NRXN2: variants seen among roughly 807,000 people sequenced by gnomAD.
NRXN2 encodes neurexin 2, also known as neurexin-2-beta.
NRXN2 carries 29 observed loss-of-function variants against 128.8 expected under a neutral mutation model. The ratio of observed to expected loss-of-function variants is 0.23; its 90% CI spans 0.17 to 0.31. NRXN2 has a LOEUF of 0.31. NRXN2 is among the 10% of genes least tolerant of loss of function. The pLI, the probability that NRXN2 is intolerant of heterozygous loss-of-function variation, is 1.00. For synonymous variants in NRXN2, 1,098 were observed against 1,075.2 expected (o/e 1.02, Z -0.41); for missense variants, 1,881 against 2,452.6 (o/e 0.77, Z 4.92).
intron 14 of NRXN2, 105 bp from the exon 15 acceptor site, chr11:64,650,743 G>A: frequency 8.8e-7 from 1 of 1,138,624 alleles, no homozygotes; most frequent in Non-Finnish European, 1.3e-6. Context: ...GCCATGGGAA[G>A]AGGGATTGAA....
At chr11:64,617,001 C>T (rs951144269) in intron 22 of NRXN2, among the ~76,000 whole-genome samples, 3 of 152,172 alleles carry the variant, frequency 2.0e-5, no homozygotes, top group African/African-American at 7.2e-5. Flanking sequence ...TTAGGCTATG[C>T]ATGTGTGCAT....
chr11:64,607,985 G>A lies in NRXN2; in HGVS notation c.4350C>T (p.Tyr1450=), dbSNP rs1272003108. ...SPFVPPPPTF[Y]PFLTGVGATQ... ...TGGCGCCCACTCCCGTGAGGAAGGG[G>A]TAGAAGGTAGGGGGCGGGGGCACGA... Residue 1450 remains tyrosine (Y), a synonymous_variant, in exon 23 of 23, where the codon TAC becomes TAT. Coordinates refer to ENST00000265459, the MANE Select transcript of NRXN2 (RefSeq NM_015080.4). 3.9e-6 allele frequency: 5 copies of A among 1,291,270 alleles called. No homozygotes were observed. Among genetic ancestry groups the A allele is most frequent in the South Asian group, 1.2e-5 (1 of 80,884 alleles). The allele number at this position is 1,291,270 out of a possible 1,614,324, so 80.0% of individuals were successfully genotyped here.
chr11:64,642,569 G>A (rs1242900083), intron 17 of NRXN2: 1 of 1,610,902 alleles, frequency 6.2e-7, no homozygotes, highest in African/African-American at 1.3e-5. Context: ...AAGGGCATGC[G>A]GTTGATGGCG....
chr11:64,665,041 G>A (rs1191028803), intron 9 of NRXN2, among the ~76,000 whole-genome samples: 1 of 151,496 alleles, frequency 6.6e-6, no homozygotes, highest in Non-Finnish European at 1.5e-5. Flanking sequence ...CCAACACTTT[G>A]GGAGGCCAAG....
rs1181965224 is a variant in NRXN2 at position 64,660,362 on chromosome 11, C to G, written c.2359G>C (p.Gly787Arg). The G allele has an allele frequency of 1.9e-6, 3 of 1,614,032 alleles. No individual in the cohort carries two copies. The highest frequency in any genetic ancestry group is 2.2e-5 in the East Asian group (1 of 44,880). Reference sequence around the variant, plus strand: ...TTGACAGTGAGCTTCATCTGCCCCCCATCCAGCTCCAGGCGTAGGGTGTCG... The same window carrying G: ...TTGACAGTGAGCTTCATCTGCCCCCGATCCAGCTCCAGGCGTAGGGTGTCG... ...SADTLRLELD[G>R]GQMKLTVNLD... The change falls in exon 11 of 23, where the codon GGG (glycine) becomes CGG (arginine). Residue 787 changes from glycine (G) to arginine (R), a missense_variant. Gly to Arg is a moderately radical substitution (Grantham distance 125, BLOSUM62 -2). This residue lies in a region of NRXN2 where 997 missense variants were observed against 1,240.8 expected (regional missense o/e 0.80). Transcript: ENST00000265459. This position sits in a 1 kb window ranked among gnomAD's most constrained non-coding sequence, Gnocchi z 5.2.
intron 4 of NRXN2, among the ~76,000 whole-genome samples, chr11:64,692,415 C>T (rs1476156433): frequency 6.6e-6 from 1 of 152,016 alleles, no homozygotes. Flanking sequence ...CCATGCTTTT[C>T]TCTTGTTACT....
At chr11:64,682,601 C>T (rs1181413776) in intron 6 of NRXN2, among the ~76,000 whole-genome samples, 1 of 152,210 alleles carries the variant, frequency 6.6e-6, no homozygotes, top group Non-Finnish European at 1.5e-5. Flanking sequence ...AGCAGTTATC[C>T]AAGCTGGGCA....
intron 6 of NRXN2, among the ~76,000 whole-genome samples, chr11:64,679,795 C>A (rs1452293820): frequency 6.6e-6 from 1 of 152,052 alleles, no homozygotes; most frequent in Admixed American, 6.6e-5. Context: ...GGATCCAGAC[C>A]CAGTCCAATG....
intron 5 of NRXN2, among the ~76,000 whole-genome samples, chr11:64,689,024 C>T (rs997381436): frequency 1.3e-5 from 2 of 151,960 alleles, no homozygotes; most frequent in African/African-American, 2.4e-5. Context: ...TTGTGACCTT[C>T]GCTGGTCACA....
At chr11:64,643,577 G>C (rs1320289013) in intron 17 of NRXN2, 1 of 136,338 alleles carries the variant, frequency 7.3e-6, no homozygotes, top group African/African-American at 2.7e-5. Context: ...GGGAGAGAGG[G>C]AGAGAGGGAG....
At position 64,713,572 on chromosome 11, in the gene NRXN2, C is replaced by G; in HGVS notation, c.128G>C (p.Arg43Pro). 7.2e-7 allele frequency: 1 copy of G among 1,392,488 alleles called. No individual in the cohort carries two copies. 86.3% of individuals were successfully genotyped at this position (1,392,488 alleles called of 1,614,324 possible). Residue 43 changes from arginine (R) to proline (P), a missense_variant, in exon 2 of 23, where the codon CGC becomes CCC. Physicochemically the swap from Arg to Pro is moderately radical, Grantham distance 103. Coordinates refer to ENST00000265459, the MANE Select transcript of NRXN2 (RefSeq NM_015080.4). Reference sequence around the variant, plus strand: ...GCCGCTGCTCGCCGCGCCCGCCCAGCGCGCGTAGCGAGCCCACTGCCCGGG... The same window carrying G: ...GCCGCTGCTCGCCGCGCCCGCCCAGGGCGCGTAGCGAGCCCACTGCCCGGG... ...GGPGQWARYARWAGAASSGEL... is the reference protein window; with the variant it reads ...GGPGQWARYAPWAGAASSGEL...
intron 6 of NRXN2, among the ~76,000 whole-genome samples, chr11:64,685,256 C>A (rs537151234): frequency 6.6e-6 from 1 of 152,176 alleles, no homozygotes; most frequent in East Asian, 1.9e-4. Flanking sequence ...CCCTCCCCAC[C>A]CCCTGGCACC....
At chr11:64,627,935 T>A (rs1005922045) in intron 19 of NRXN2, among the ~76,000 whole-genome samples, 1 of 152,132 alleles carries the variant, frequency 6.6e-6, no homozygotes, top group Admixed American at 6.5e-5. Context: ...CCCATGAAGG[T>A]ACACACGATG....
In NRXN2 at chr11:64,704,623, CAGAGAGAG is replaced by C. The variant is rs61394963; in HGVS notation, c.731-6839_731-6832del. Reference sequence around the variant, plus strand: ...TCACACACACACACACACACACACACAGAGAGAGAGAGAGAGAGAGAGAGAGAGAGAGA... The same window carrying C: ...TCACACACACACACACACACACACACAGAGAGAGAGAGAGAGAGAGAGAGA... On this transcript the variant is annotated intron_variant, in intron 2 of 22. Coordinates refer to ENST00000265459, the MANE Select transcript of NRXN2 (RefSeq NM_015080.4). Among the ~76,000 whole-genome samples, 551 of 81,172 alleles carry C rather than the reference CAGAGAGAG, an allele frequency of 6.8e-3. 3 individuals carry two copies. The highest frequency in any genetic ancestry group is 9.9e-3 in the African/African-American group (209 of 21,180). The allele number at this position is 81,172 out of a possible 152,430, so 53.3% of individuals were successfully genotyped here. A position where few individuals can be genotyped will look rare whatever the true frequency, so the allele number is the denominator to read the frequency against.
rs1393229320 is a variant in NRXN2, at chr11:64,622,146, G to C, written c.4173+607C>G. Among the ~76,000 whole-genome samples the C allele has an allele frequency of 6.6e-6, 1 of 152,210 alleles. No individual in the cohort carries two copies. The highest frequency in any genetic ancestry group is 2.4e-5 in the African/African-American group (1 of 41,448). ...ACACTGAAGCTGCCTGAGTTGTGGT[G>C]CCTGCTCATAGTCACATGGAGAGGG... On this transcript the variant is annotated intron_variant, in intron 21 of 22. Coordinates refer to ENST00000265459, the MANE Select transcript of NRXN2 (RefSeq NM_015080.4). The surrounding 1 kb of genome is among the most constrained non-coding windows in gnomAD (Gnocchi z 4.3).
rs577785176 is a variant in NRXN2 at position 64,630,164 on chromosome 11, C to G, written c.3757+238G>C. 6.6e-6 allele frequency among the ~76,000 whole-genome samples: 1 copy of G among 152,096 alleles called. No individual in the cohort carries two copies. Among genetic ancestry groups the G allele is most frequent in the Admixed American group, 6.5e-5 (1 of 15,282 alleles). ...CCCAGCTCAGCCCTGCACCCTCCCCCATAGGGGGCGCATTCGCACCACCAC... is the reference window on the plus strand; with the variant it reads ...CCCAGCTCAGCCCTGCACCCTCCCCGATAGGGGGCGCATTCGCACCACCAC... On this transcript the variant is annotated intron_variant, in intron 19 of 22. Coordinates refer to ENST00000265459, the MANE Select transcript of NRXN2 (RefSeq NM_015080.4). The surrounding 1 kb of genome is among the most constrained non-coding windows in gnomAD (Gnocchi z 4.6).
intron 6 of NRXN2, among the ~76,000 whole-genome samples, chr11:64,678,401 CA>C (rs2051668319): frequency 6.6e-6 from 1 of 152,086 alleles, no homozygotes; most frequent in Admixed American, 6.5e-5. Flanking sequence ...CCACCACCAC[CA>C]CCCCTACCAG....
Position 64,668,385 on chromosome 11 carries a change from G to A in NRXN2, c.1359+58C>T, listed in dbSNP as rs1368387080. On this transcript the variant is annotated intron_variant, in intron 8 of 22. Coordinates refer to ENST00000265459, the MANE Select transcript of NRXN2 (RefSeq NM_015080.4). ...TAGCCAGGTCAGACTAAGTCACGCT[G>A]AAGACAGGAGACAAAGGGCTCCTGA... The A allele has an allele frequency of 1.9e-5, 30 of 1,602,822 alleles. No individual in the cohort carries two copies. In the East Asian group the frequency reaches 6.2e-4, roughly 33 times the overall value.
rs2047010772 is a variant in NRXN2, at chr11:64,648,394, CAGG to C, written c.3284-59_3284-57del. 2 of 1,613,070 alleles carry C rather than the reference CAGG, an allele frequency of 1.2e-6. No individual in the cohort carries two copies. Among genetic ancestry groups the C allele is most frequent in the African/African-American group, 1.3e-5 (1 of 75,040 alleles). ...GGCTCAGCCAAGCCCCCTCTTTCCC[CAGG>C]AGGTGTGGAAGCTTCAGAGCCAGGC... On this transcript the variant is annotated intron_variant, in intron 16 of 22. Coordinates refer to ENST00000265459, the MANE Select transcript of NRXN2 (RefSeq NM_015080.4). This position sits in a 1 kb window ranked among gnomAD's most constrained non-coding sequence, Gnocchi z 4.1.
Sources: gnomAD v4.1 joint callset for allele counts (sites outside exome capture counted in the v4.1 genomes callset) on GRCh38, gnomAD v4.1.1 for gene constraint, gnomAD v4.1.1 regional missense constraint, Gnocchi (gnomAD v3.1) non-coding constraint, MANE v1.5 for transcripts, NCBI Gene and HGNC (gene_info 2026-07-23, HGNC 2026-07-21) for gene names.